Variants in AHI1 observed in about 807,000 individuals in gnomAD.
AHI1 encodes jouberin.
AHI1 carries 123 observed loss-of-function variants against 149.3 expected under a neutral mutation model. The observed-to-expected ratio is 0.82, with a 90% CI of 0.71 to 0.96. The LOEUF is 0.96. AHI1 is among the 40% of genes least tolerant of loss of function. The pLI, the probability that AHI1 is intolerant of heterozygous loss-of-function variation, is 0.00. For missense variants in AHI1, 1,439 were observed against 1,422.7 expected (o/e 1.01, Z -0.18); for synonymous variants, 475 against 459.8 (o/e 1.03, Z -0.42).
At chr6:135,291,146 A>C (rs1204271643) in intron 27 of AHI1, among the ~76,000 whole-genome samples, 1 of 152,054 alleles carries the variant, frequency 6.6e-6, no homozygotes, top group Non-Finnish European at 1.5e-5. Context: ...AAAACAATGA[A>C]AAAAAAAGGA....
At chr6:135,288,577 A>C (rs1221122081) in intron 28 of AHI1, among the ~76,000 whole-genome samples, 2 of 151,964 alleles carry the variant, frequency 1.3e-5, no homozygotes, top group African/African-American at 4.8e-5. Flanking sequence ...ATATTATATA[A>C]ACTATTTTAT....
intron 24 of AHI1, among the ~76,000 whole-genome samples, chr6:135,329,402 A>C (rs369149259): frequency 3.3e-5 from 5 of 152,162 alleles, no homozygotes; most frequent in African/African-American, 4.8e-5. Flanking sequence ...GCCCTTAAGA[A>C]TTATGTTAAA....
At chr6:135,457,156 T>G (rs1356875019) in intron 9 of AHI1, among the ~76,000 whole-genome samples, 1 of 151,990 alleles carries the variant, frequency 6.6e-6, no homozygotes, top group African/African-American at 2.4e-5. Flanking sequence ...TGGTGGCGAG[T>G]GCCTGTAATC....
In AHI1 at chr6:135,390,826, T is replaced by C. The variant is rs78532873; in HGVS notation, c.3109+3950A>G. Among the ~76,000 whole-genome samples the C allele has an allele frequency of 8.5e-3, 1,299 of 152,324 alleles. 39 individuals carry two copies. The highest frequency in any genetic ancestry group is 0.078 in the East Asian group (406 of 5,184). Reference sequence around the variant, plus strand: ...TTGTTGAAGATCAAATAAGGATATATATGAAAGCACTTTATAAATTTTCAT... The same window carrying C: ...TTGTTGAAGATCAAATAAGGATATACATGAAAGCACTTTATAAATTTTCAT... On this transcript the variant is annotated intron_variant, in intron 23 of 28. Coordinates refer to ENST00000265602, the MANE Select transcript of AHI1 (RefSeq NM_001134831.2).
At chr6:135,476,738 A>G (rs1792716164) in intron 5 of AHI1, among the ~76,000 whole-genome samples, 1 of 152,058 alleles carries the variant, frequency 6.6e-6, no homozygotes, top group African/African-American at 2.4e-5. Context: ...ATCTTTGGCA[A>G]TATTCTTTAT....
intron 11 of AHI1, among the ~76,000 whole-genome samples, chr6:135,450,634 T>A (rs1787949212): frequency 1.3e-5 from 2 of 152,300 alleles, no homozygotes; most frequent in Non-Finnish European, 2.9e-5. Context: ...ACGGTAATTT[T>A]AAAAAGATAT....
At chr6:135,377,771 A>T (rs1296647227) in intron 23 of AHI1, among the ~76,000 whole-genome samples, 5 of 152,112 alleles carry the variant, frequency 3.3e-5, no homozygotes, top group African/African-American at 1.2e-4. Context: ...CACTGAGCCC[A>T]GCCTGAGTTC....
intron 5 of AHI1, 50 bp downstream of exon 5, chr6:135,490,544 AATTTTAACATAAAATGCAGCCATATCTGC>A: frequency 6.5e-7 from 1 of 1,549,738 alleles, no homozygotes; most frequent in Non-Finnish European, 8.8e-7. Context: ...AATTCCTTAG[AATTTTAACATAAAATGCAGCCATATCTGC>A]ATTTTATGCG....
intron 25 of AHI1, among the ~76,000 whole-genome samples, chr6:135,319,158 G>A (rs752514597): frequency 6.6e-6 from 1 of 152,234 alleles, no homozygotes; most frequent in African/African-American, 2.4e-5. Context: ...CTGAAGACTA[G>A]GTAGGATTTT....
rs771455350 is a variant in AHI1 at position 135,466,249 on chromosome 6, T to C, written c.314A>G (p.Gln105Arg). 1.2e-6 allele frequency: 2 copies of C among 1,613,890 alleles called. No individual in the cohort carries two copies. Among genetic ancestry groups the C allele is most frequent in the Admixed American group, 1.7e-5 (1 of 60,012 alleles). Residue 105 changes from glutamine to arginine, a missense_variant, in exon 7 of 29, where the codon CAG becomes CGG. Gln to Arg is a conservative substitution (Grantham distance 43). Transcript: ENST00000265602. ...ACCATTAGGATTTTCAGTTGCTAAC[T>C]GTGTGTTCCTCAATTTGTTTTTAGT... The part of the protein sequence containing the change: ...RVTKNKLRNT[Q>R]LATENPNGDA...
At chr6:135,333,687 T>C (rs1389768230) in intron 24 of AHI1, among the ~76,000 whole-genome samples, 1 of 152,218 alleles carries the variant, frequency 6.6e-6, no homozygotes, top group East Asian at 1.9e-4. Flanking sequence ...TATCTTCTGA[T>C]AAAATAATGA....
intron 3 of AHI1, chr6:135,492,622 C>T (rs984945268): frequency 1.3e-5 from 13 of 985,212 alleles, no homozygotes; most frequent in East Asian, 2.3e-4. Flanking sequence ...AACATTTCAA[C>T]GCACTTTTAA....
chr6:135,308,694 C>T (rs781270246), intron 26 of AHI1, among the ~76,000 whole-genome samples: 3 of 152,168 alleles, frequency 2.0e-5, no homozygotes, highest in Non-Finnish European at 4.4e-5. Context: ...CTCAAATCAG[C>T]TAAATAAGGA....
chr6:135,379,306 C>T (rs1776361061), intron 23 of AHI1, among the ~76,000 whole-genome samples: 2 of 152,144 alleles, frequency 1.3e-5, no homozygotes, highest in Admixed American at 1.3e-4. Context: ...AATTCTACTT[C>T]TCTATCTTCA....
intron 27 of AHI1, 79 bp from the exon 28 acceptor site, chr6:135,290,604 G>T: frequency 6.8e-7 from 1 of 1,478,484 alleles, no homozygotes; most frequent in Non-Finnish European, 9.3e-7. Flanking sequence ...TTTGATCTAG[G>T]GCCGTGGCAG....
At chr6:135,355,321 C>CA (rs1792780999) in intron 24 of AHI1, among the ~76,000 whole-genome samples, 1 of 139,918 alleles carries the variant, frequency 7.1e-6, no homozygotes, top group Non-Finnish European at 1.6e-5. Flanking sequence ...AAAGGTATCT[C>CA]AAAAAAACAA....
Position 135,442,713 on chromosome 6 carries a change from G to A in AHI1, c.1781C>T (p.Ala594Val). The A allele has an allele frequency of 6.3e-7, 1 of 1,598,608 alleles. No homozygotes were observed. The highest frequency in any genetic ancestry group is 1.7e-5 in the Admixed American group (1 of 57,384). The stretch of plus-strand genomic sequence containing the variant: ...GAGGTGTTTGTTTGGGATACGGCAA[G>A]CCTAAAAAACATACGTTTAAAAAAT... ...VIKWKRLPGQ[A>V]CRIPNKHLFS... is the part of the protein sequence containing the mutation. The change falls in exon 14 of 29, where the codon GCT becomes GTT. Residue 594 changes from alanine (A) to valine (V), a missense_variant and splice_region_variant. By Grantham distance (64) the Ala-to-Val change is moderately conservative (BLOSUM62 0). Transcript: ENST00000265602.
intron 23 of AHI1, among the ~76,000 whole-genome samples, chr6:135,363,765 G>A (rs537238368): frequency 3.5e-4 from 50 of 141,858 alleles, no homozygotes; most frequent in African/African-American, 1.2e-3. Context: ...GCCGGGCGGG[G>A]GTTGACCCCC....
At chr6:135,341,573 C>T (rs1373377702) in intron 24 of AHI1, among the ~76,000 whole-genome samples, 4 of 151,840 alleles carry the variant, frequency 2.6e-5, no homozygotes, top group Admixed American at 1.3e-4. Flanking sequence ...ATATGTTAGG[C>T]CCCCAAATAA....
Sources: gnomAD v4.1 joint callset for allele counts (sites outside exome capture counted in the v4.1 genomes callset) on GRCh38, gnomAD v4.1.1 for gene constraint, MANE v1.5 for transcripts, NCBI Gene and HGNC (gene_info 2026-07-23, HGNC 2026-07-21) for gene names.